DCDC1: variants seen among roughly 807,000 people sequenced by gnomAD.
The protein encoded by DCDC1 is doublecortin domain containing 1.
A neutral mutation model predicts 178.3 loss-of-function variants in DCDC1; 200 were observed. The observed-to-expected ratio is 1.12, with a 90% CI of 1.00 to 1.26. The LOEUF (loss-of-function observed/expected upper bound fraction) is 1.26, where lower values mean the gene tolerates loss of function less well. Ranked by LOEUF, DCDC1 falls within the 50% of genes most tolerant of loss-of-function variation. DCDC1 has a pLI of 0.00. For missense variants in DCDC1, 1,983 were observed against 1,749.2 expected (o/e 1.13, Z -2.38); for synonymous variants, 690 against 604.8 (o/e 1.14, Z -2.07).
chr11:30,875,080 G>C (rs1172940877), intron 38 of DCDC1, among the ~76,000 whole-genome samples: 5 of 152,134 alleles, frequency 3.3e-5, no homozygotes, highest in Non-Finnish European at 7.4e-5. Flanking sequence ...CTTGATAGTA[G>C]TTTCATATTC....
chr11:30,911,299 G>A, intron 28 of DCDC1, 28 bp downstream of exon 28: 1 of 1,550,958 alleles, frequency 6.4e-7, no homozygotes, highest in South Asian at 1.2e-5. Flanking sequence ...AAAAGGCCAT[G>A]ACTAATCTTT....
At chr11:31,004,326 A>G (rs1259018939) in intron 20 of DCDC1, among the ~76,000 whole-genome samples, 1 of 152,122 alleles carries the variant, frequency 6.6e-6, no homozygotes, top group Admixed American at 6.5e-5. Context: ...CAAGAAACTA[A>G]TCCAGAATGT....
At chr11:30,897,464 T>G (rs1217895718) in intron 34 of DCDC1, among the ~76,000 whole-genome samples, 1 of 150,566 alleles carries the variant, frequency 6.6e-6, no homozygotes, top group African/African-American at 2.4e-5. Context: ...GTGCCTGTAG[T>G]CCCAGCTACT....
chr11:30,905,864 G>A (rs750078995), intron 30 of DCDC1, among the ~76,000 whole-genome samples: 6 of 152,206 alleles, frequency 3.9e-5, no homozygotes, highest in Non-Finnish European at 5.9e-5. Context: ...GATTAGGGAA[G>A]GGAGGAGGGT....
chr11:30,921,090 T>C (rs745663208), intron 24 of DCDC1, among the ~76,000 whole-genome samples, 155 bp from the exon 25 acceptor site: 1 of 152,254 alleles, frequency 6.6e-6, no homozygotes, highest in Non-Finnish European at 1.5e-5. Flanking sequence ...TTAATTTTAA[T>C]TTTTATAGAT....
At chr11:31,182,088 C>G (rs1363052960) in intron 9 of DCDC1, among the ~76,000 whole-genome samples, 1 of 152,084 alleles carries the variant, frequency 6.6e-6, no homozygotes, top group East Asian at 1.9e-4. Flanking sequence ...AAATATGGGA[C>G]TATGTGAAAA....
rs80189447 is a variant in DCDC1, at chr11:31,179,548, T to C, written c.1222-41764A>G. Among the ~76,000 whole-genome samples, 1,257 of 152,306 alleles carry C rather than the reference T, an allele frequency of 8.3e-3. 22 individuals are homozygous for C. Among genetic ancestry groups the C allele is most frequent in the African/African-American group, 0.029 (1,203 of 41,558 alleles). On this transcript the variant is annotated intron_variant, in intron 9 of 38. Transcript: ENST00000684477. ...ACAATGTGAATGAATCTAGACATCA[T>C]GTTAAGTGAAATAAGCCAATCACAG...
chr11:31,137,729 G>C lies in DCDC1; in HGVS notation c.1277C>G (p.Ser426Ter), dbSNP rs759424359. ...CTTATGGTGTTCCTTTGCCGTCATTGAAAGAATGACTTTTTCTGTAATTTT... is the reference window on the plus strand; with the variant it reads ...CTTATGGTGTTCCTTTGCCGTCATTCAAAGAATGACTTTTTCTGTAATTTT... ...KEKITEKVIL[S>*]MTAKEHHKEQ... The change falls in exon 10 of 39, where the codon TCA (serine) becomes TGA (stop). Residue 426 changes from serine to a stop codon, truncating the protein, a stop_gained. Transcript: ENST00000684477. LOFTEE classifies it high-confidence loss of function. 17 of 702,656 alleles carry C rather than the reference G, an allele frequency of 2.4e-5. No homozygotes were observed. The highest frequency in any genetic ancestry group is 4.4e-5 in the Non-Finnish European group (17 of 384,924). 43.5% of individuals were successfully genotyped at this position (702,656 alleles called of 1,614,324 possible).
chr11:31,067,193 G>T (rs1956296060), intron 18 of DCDC1, among the ~76,000 whole-genome samples: 1 of 151,936 alleles, frequency 6.6e-6, no homozygotes, highest in South Asian at 2.1e-4. Context: ...TCAGATTATA[G>T]GTCTGATAAG....
rs141996862 is a variant in DCDC1, at chr11:31,153,334, T to C, written c.1222-15550A>G. On this transcript the variant is annotated intron_variant, in intron 9 of 38. Coordinates refer to ENST00000684477, the MANE Select transcript of DCDC1 (RefSeq NM_001387274.1). Reference sequence around the variant, plus strand: ...TTATACAACTATCTCATGTCATCAATGCCCCTACATCCTGAAATTATGAGA... The same window carrying C: ...TTATACAACTATCTCATGTCATCAACGCCCCTACATCCTGAAATTATGAGA... Among the ~76,000 whole-genome samples the C allele has an allele frequency of 5.0e-3, 761 of 152,282 alleles. 9 individuals are homozygous for C. The highest frequency in any genetic ancestry group is 0.017 in the African/African-American group (726 of 41,556).
intron 9 of DCDC1, among the ~76,000 whole-genome samples, chr11:31,181,841 GA>G (rs1207737995): frequency 3.3e-5 from 5 of 151,940 alleles, no homozygotes; most frequent in African/African-American, 9.7e-5. Flanking sequence ...TAAGAACATT[GA>G]AAAAAAGGTT....
At chr11:31,168,552 G>C (rs208091) in intron 9 of DCDC1, among the ~76,000 whole-genome samples, 45,736 of 152,084 alleles carry the variant, frequency 0.3, 8,322 homozygotes, top group East Asian at 0.63. Context: ...AAATGAGGCA[G>C]TATAAAAAAA....
At chr11:31,029,948 G>GC (rs1277180946) in intron 20 of DCDC1, among the ~76,000 whole-genome samples, 1 of 151,976 alleles carries the variant, frequency 6.6e-6, no homozygotes. Flanking sequence ...ACAAAAGGAA[G>GC]CCCCCCTCCA....
intron 20 of DCDC1, among the ~76,000 whole-genome samples, chr11:30,975,445 A>G (rs776102807): frequency 2.0e-5 from 3 of 152,096 alleles, no homozygotes; most frequent in Non-Finnish European, 4.4e-5. Flanking sequence ...CTCTTTGCAG[A>G]TAATATAATC....
chr11:31,019,634 T>G (rs1286269207), intron 20 of DCDC1, among the ~76,000 whole-genome samples: 1 of 152,174 alleles, frequency 6.6e-6, no homozygotes, highest in Non-Finnish European at 1.5e-5. Flanking sequence ...TATGATCTTT[T>G]AAAAATTAAA....
At chr11:31,227,812 C>T (rs569720936) in intron 9 of DCDC1, among the ~76,000 whole-genome samples, 7 of 151,988 alleles carry the variant, frequency 4.6e-5, no homozygotes, top group South Asian at 4.2e-4. Context: ...AGTAAAAGGA[C>T]ATTATTTTAT....
At chr11:31,117,501 A>C (rs1362382213) in intron 11 of DCDC1, among the ~76,000 whole-genome samples, 1 of 152,062 alleles carries the variant, frequency 6.6e-6, no homozygotes, top group Non-Finnish European at 1.5e-5. Context: ...GCCAGCCCTA[A>C]TGGAGGGCTG....
rs77873147 is a variant in DCDC1 at position 30,929,388 on chromosome 11, C to A, written c.2897+2383G>T. Among the ~76,000 whole-genome samples, 1,250 of 152,188 alleles carry A rather than the reference C, an allele frequency of 8.2e-3. 21 individuals carry two copies. The highest frequency in any genetic ancestry group is 0.029 in the African/African-American group (1,197 of 41,542). ...CTGGAGTAGTGGAATACACAGTAGA[C>A]ACAACTAACTCGAGAGGAGAGAGTG... On this transcript the variant is annotated intron_variant, in intron 22 of 38. Transcript: ENST00000684477.
chr11:31,204,067 T>C (rs1971603597), intron 9 of DCDC1, among the ~76,000 whole-genome samples: 1 of 152,196 alleles, frequency 6.6e-6, no homozygotes, highest in South Asian at 2.1e-4. Context: ...CCAATTTCTG[T>C]GGTGCTTATT....
Sources: allele counts gnomAD v4.1 joint callset (sites outside exome capture counted in the v4.1 genomes callset), GRCh38; gene constraint gnomAD v4.1.1; transcripts MANE v1.5; gene names NCBI Gene and HGNC (gene_info 2026-07-23, HGNC 2026-07-21).